C3orf20: variants seen among roughly 807,000 people sequenced by gnomAD.
The protein encoded by C3orf20 is family with sequence similarity 149 member C, also known as uncharacterized protein C3orf20.
In C3orf20, 76 loss-of-function variants were observed where a neutral mutation model predicts 88.3. The observed-to-expected ratio is 0.86, with a 90% CI of 0.72 to 1.04. The LOEUF is 1.04. Among genes scored for constraint, C3orf20 ranks in the 50% least tolerant of loss-of-function variants. The pLI is 0.00. For synonymous variants in C3orf20, 436 were observed against 437.4 expected (o/e 1.00, Z 0.04); for missense variants, 1,056 against 1,123.3 (o/e 0.94, Z 0.86).
chr3:14,750,182 C>G (rs2035179297), intron 12 of C3orf20, among the ~76,000 whole-genome samples: 1 of 152,152 alleles, frequency 6.6e-6, no homozygotes. Flanking sequence ...GGAACAAACT[C>G]CCTTAGCTTT....
chr3:14,689,296 G>A (rs957592161), intron 4 of C3orf20, among the ~76,000 whole-genome samples: 1 of 152,076 alleles, frequency 6.6e-6, no homozygotes, highest in African/African-American at 2.4e-5. Context: ...CATCCATTGT[G>A]GAATCTCTAT....
chr3:14,722,975 G>A (rs2034220079), intron 10 of C3orf20, among the ~76,000 whole-genome samples: 2 of 152,226 alleles, frequency 1.3e-5, no homozygotes, highest in South Asian at 4.1e-4. Flanking sequence ...CAGACTATTT[G>A]AGCTCCCCAC....
intron 7 of C3orf20, among the ~76,000 whole-genome samples, chr3:14,707,445 T>G (rs955675988): frequency 5.1e-5 from 7 of 136,452 alleles, no homozygotes; most frequent in Admixed American, 1.5e-4. Context: ...GCATCTTTTC[T>G]TGTGTGTGTG....
In C3orf20 at chr3:14,683,025, T is replaced by C; in HGVS notation, c.312T>C (p.Arg104=). The part of the protein sequence containing the change: ...PLPPPPPAPP[R]PVLLATTGAA... ...CTCCACCACCACCAGCACCACCACG[T>C]CCAGTGCTGCTGGCAACCACTGGGG... is the stretch of plus-strand genomic sequence containing the variant. Residue 104 remains arginine, a synonymous_variant, in exon 3 of 17, where the codon CGT becomes CGC. Coordinates refer to ENST00000253697, the MANE Select transcript of C3orf20 (RefSeq NM_032137.5). 6.2e-7 allele frequency: 1 copy of C among 1,612,690 alleles called. No individual in the cohort carries two copies. Among genetic ancestry groups the C allele is most frequent in the Non-Finnish European group, 8.5e-7 (1 of 1,179,312 alleles).
chr3:14,705,852 C>CA (rs1206252147), intron 7 of C3orf20, among the ~76,000 whole-genome samples: 1 of 152,212 alleles, frequency 6.6e-6, no homozygotes, highest in African/African-American at 2.4e-5. Flanking sequence ...GTGTGACTGA[C>CA]TGTATGCCAC....
At chr3:14,731,980 C>T (rs969889440) in intron 12 of C3orf20, among the ~76,000 whole-genome samples, 1 of 152,128 alleles carries the variant, frequency 6.6e-6, no homozygotes, top group Non-Finnish European at 1.5e-5. Flanking sequence ...TTTATGTGAG[C>T]CTAAGTTTTC....
At chr3:14,709,919 T>A (rs753771946) in intron 7 of C3orf20, among the ~76,000 whole-genome samples, 11 of 152,216 alleles carry the variant, frequency 7.2e-5, no homozygotes, top group Non-Finnish European at 1.2e-4. Context: ...TTCTATTTTT[T>A]TGGAAGAGCT....
chr3:14,741,431 C>T (rs1475926022), intron 12 of C3orf20, among the ~76,000 whole-genome samples: 1 of 152,186 alleles, frequency 6.6e-6, no homozygotes, highest in Non-Finnish European at 1.5e-5. Flanking sequence ...ATGTCATGCT[C>T]ACTTTCATTA....
intron 15 of C3orf20, among the ~76,000 whole-genome samples, chr3:14,770,699 G>A (rs940684353): frequency 8.5e-5 from 13 of 152,110 alleles, no homozygotes; most frequent in African/African-American, 2.9e-4. Flanking sequence ...AGGGCCGGAC[G>A]CATAGTAGAG....
chr3:14,750,419 A>G (rs1461301572), intron 12 of C3orf20, among the ~76,000 whole-genome samples: 2 of 152,136 alleles, frequency 1.3e-5, no homozygotes, highest in African/African-American at 4.8e-5. Flanking sequence ...AGCCAGGAGT[A>G]GTATCACGTG....
chr3:14,682,553 C>G, intron 2 of C3orf20, 25 bp from the exon 3 acceptor site: 1 of 973,454 alleles, frequency 1.0e-6, no homozygotes, highest in South Asian at 1.6e-5. Flanking sequence ...GAGTGACTAA[C>G]TCTTTTCTTG....
Position 14,726,956 on chromosome 3 carries a change from T to G in C3orf20, c.1622T>G (p.Leu541Arg). The change falls in exon 11 of 17, where the codon CTG becomes CGG. Residue 541 changes from leucine to arginine, a missense_variant. Transcript: ENST00000253697. ...AAGGTGTATAAGATGAGCCGAGCCC[T>G]GGCTGAGATCAAGAAGCGGTTTCAG... ...DDKVYKMSRA[L>R]AEIKKRFQKT... 1 of 1,614,194 alleles carries G rather than the reference T, an allele frequency of 6.2e-7. No homozygotes were observed.
intron 7 of C3orf20, among the ~76,000 whole-genome samples, chr3:14,710,522 C>A (rs768325468): frequency 2.6e-5 from 4 of 152,042 alleles, no homozygotes; most frequent in Non-Finnish European, 5.9e-5. Flanking sequence ...TGCCTTTCTT[C>A]CATAAGTTTT....
chr3:14,744,030 A>G (rs1053447431), intron 12 of C3orf20, among the ~76,000 whole-genome samples: 6 of 152,094 alleles, frequency 3.9e-5, no homozygotes. Flanking sequence ...CTTGCTGCTT[A>G]TGCAAATTTC....
intron 8 of C3orf20, among the ~76,000 whole-genome samples, chr3:14,714,373 TAAG>T (rs568146570): frequency 2.8e-4 from 42 of 152,070 alleles, no homozygotes; most frequent in Non-Finnish European, 5.0e-4. Context: ...TCACAGCCAA[TAAG>T]AAGGACACCT....
chr3:14,772,254 C>T lies in C3orf20; in HGVS notation c.2630+53C>T, dbSNP rs770293624. ...GGGCGTGGCTCACAGCAGGCCACCT[C>T]GGGGCTATTTGGCCTTGGGCAAGTC... On this transcript the variant is annotated intron_variant, in intron 16 of 16. Coordinates refer to ENST00000253697, the MANE Select transcript of C3orf20 (RefSeq NM_032137.5). The surrounding 1 kb of genome is among the most constrained non-coding windows in gnomAD (Gnocchi z 4.2). 3.5e-5 allele frequency: 56 copies of T among 1,612,084 alleles called. No homozygotes were observed. Among genetic ancestry groups the T allele is most frequent in the Non-Finnish European group, 4.3e-5 (51 of 1,178,824 alleles).
At chr3:14,757,098 C>T (rs543411639) in intron 12 of C3orf20, among the ~76,000 whole-genome samples, 5 of 152,222 alleles carry the variant, frequency 3.3e-5, no homozygotes, top group African/African-American at 9.6e-5. Flanking sequence ...GGGATGTGTT[C>T]GGTGTGAGAG....
At chr3:14,686,022 C>G (rs971202744) in intron 4 of C3orf20, among the ~76,000 whole-genome samples, 1 of 152,008 alleles carries the variant, frequency 6.6e-6, no homozygotes, top group Non-Finnish European at 1.5e-5. Flanking sequence ...CCACAATGCT[C>G]GGCTCATTTT....
At chr3:14,694,078 G>GTGT (rs2124914700) in intron 5 of C3orf20, among the ~76,000 whole-genome samples, 1 of 152,258 alleles carries the variant, frequency 6.6e-6, no homozygotes, top group African/African-American at 2.4e-5. Flanking sequence ...TCTTTTTAAT[G>GTGT]TGTTGTTGAA....
Sources: allele counts gnomAD v4.1 joint callset (sites outside exome capture counted in the v4.1 genomes callset), GRCh38; gene constraint gnomAD v4.1.1; non-coding constraint Gnocchi (gnomAD v3.1); transcripts MANE v1.5; gene names NCBI Gene and HGNC (gene_info 2026-07-23, HGNC 2026-07-21).